The following MAP4K4 variants were observed in gnomAD, a reference collection of about 807,000 sequenced individuals.
MAP4K4 encodes mitogen-activated protein kinase kinase kinase kinase 4, also known as HPK/GCK-like kinase HGK.
A neutral mutation model predicts 189.6 loss-of-function variants in MAP4K4; 38 were observed. That is an observed-to-expected ratio of 0.20 (90% CI 0.15 to 0.26). The LOEUF (loss-of-function observed/expected upper bound fraction) is 0.26. Among genes scored for constraint, MAP4K4 ranks in the 10% least tolerant of loss-of-function variants. The pLI is 1.00. For missense variants in MAP4K4, 1,054 were observed against 1,726.9 expected (o/e 0.61, Z 6.91); for synonymous variants, 610 against 624.3 (o/e 0.98, Z 0.34).
intron 2 of MAP4K4, among the ~76,000 whole-genome samples, chr2:101,730,360 C>T (rs1295395112): frequency 1.3e-5 from 2 of 152,154 alleles, no homozygotes; most frequent in African/African-American, 4.8e-5. Flanking sequence ...CTGAAGGGCA[C>T]ACCTTCTGTC....
chr2:101,867,794 C>T, intron 20 of MAP4K4: 1 of 499,364 alleles, frequency 2.0e-6, no homozygotes. Context: ...CTTTTTGGTA[C>T]CTGGGGTGAT....
Position 101,887,762 on chromosome 2 carries a change from T to C in MAP4K4, c.3772-16T>C. The C allele has an allele frequency of 1.3e-6, 2 of 1,596,658 alleles. No individual in the cohort carries two copies. The highest frequency in any genetic ancestry group is 1.7e-6 in the Non-Finnish European group (2 of 1,171,000). The stretch of plus-strand genomic sequence containing the variant: ...ACCACAGACGTTCTTCCCTGTACTT[T>C]GTTCCTGTTCTCTAGATCCAGTGTA... On this transcript the variant is annotated splice_polypyrimidine_tract_variant and intron_variant, in intron 30 of 32. Coordinates refer to ENST00000324219, the Ensembl canonical transcript of MAP4K4.
chr2:101,823,838 T>A, intron 3 of MAP4K4, 90 bp from the exon 4 acceptor site: 1 of 1,127,810 alleles, frequency 8.9e-7, no homozygotes. Flanking sequence ...GGAGAACTTG[T>A]GTTCCTTTCA....
intron 3 of MAP4K4, among the ~76,000 whole-genome samples, chr2:101,807,394 G>A (rs1234031215): frequency 6.6e-6 from 1 of 151,926 alleles, no homozygotes; most frequent in Non-Finnish European, 1.5e-5. Flanking sequence ...GCCCAACATG[G>A]CACTCCTGTA....
At chr2:101,852,805 G>T (rs1347734775) in intron 12 of MAP4K4, among the ~76,000 whole-genome samples, 1 of 152,176 alleles carries the variant, frequency 6.6e-6, no homozygotes, top group African/African-American at 2.4e-5. Context: ...AGCAGGTGCA[G>T]ATATATGCTA....
intron 2 of MAP4K4, among the ~76,000 whole-genome samples, chr2:101,717,262 C>G (rs1380989247): frequency 6.6e-6 from 1 of 152,156 alleles, no homozygotes; most frequent in Admixed American, 6.6e-5. Context: ...TGTCAGCGTG[C>G]GGCCTTCTCA....
chr2:101,763,527 A>G (rs1350664470), intron 2 of MAP4K4, among the ~76,000 whole-genome samples: 1 of 152,240 alleles, frequency 6.6e-6, no homozygotes, highest in Non-Finnish European at 1.5e-5. Context: ...TTATTGATTA[A>G]AGAATTAACC....
intron 2 of MAP4K4, among the ~76,000 whole-genome samples, chr2:101,768,690 C>G (rs557170568): frequency 6.6e-6 from 1 of 152,220 alleles, no homozygotes; most frequent in South Asian, 2.1e-4. Flanking sequence ...TAGATTTGTT[C>G]CACAGAAAAG....
intron 2 of MAP4K4, among the ~76,000 whole-genome samples, chr2:101,753,816 C>T (rs2070626352): frequency 6.6e-6 from 1 of 151,918 alleles, no homozygotes; most frequent in Non-Finnish European, 1.5e-5. Flanking sequence ...TAGGAAAGTA[C>T]CTCAGTCTTT....
intron 2 of MAP4K4, among the ~76,000 whole-genome samples, chr2:101,764,737 A>G (rs1348211304): frequency 6.6e-6 from 1 of 152,192 alleles, no homozygotes; most frequent in African/African-American, 2.4e-5. Flanking sequence ...CTCATAACCT[A>G]GAGTAATATA....
intron 27 of MAP4K4, among the ~76,000 whole-genome samples, chr2:101,881,705 A>G (rs1398413405): frequency 6.6e-6 from 1 of 152,182 alleles, no homozygotes; most frequent in African/African-American, 2.4e-5. Flanking sequence ...TTCCCCCTCT[A>G]TTCCTATTTC....
At chr2:101,840,039 T>A (rs2096869421) in intron 10 of MAP4K4, 45 bp downstream of exon 10, 1 of 1,540,454 alleles carries the variant, frequency 6.5e-7, no homozygotes, top group Non-Finnish European at 8.7e-7. Context: ...TTTTTATGTT[T>A]AGTTTCTTGC....
At position 101,723,477 on chromosome 2, in the gene MAP4K4, C is replaced by A. The variant is rs149025735; in HGVS notation, c.123+24939C>A. 1.1e-3 allele frequency among the ~76,000 whole-genome samples: 162 copies of A among 152,230 alleles called. 2 individuals carry two copies. The highest frequency in any genetic ancestry group is 3.6e-3 in the African/African-American group (151 of 41,540). The stretch of plus-strand genomic sequence containing the variant: ...AGTAGGTTCTAATTTGCTTTTTGCC[C>A]AACCTCTGGAGAACTGTGAGAGTCA... On this transcript the variant is annotated intron_variant, in intron 2 of 32. Coordinates refer to ENST00000324219, the Ensembl canonical transcript of MAP4K4.
At chr2:101,840,306 C>T (rs1037793700) in intron 10 of MAP4K4, among the ~76,000 whole-genome samples, 10 of 152,152 alleles carry the variant, frequency 6.6e-5, no homozygotes, top group African/African-American at 2.4e-4. Flanking sequence ...TGGTATATTT[C>T]ACTGGGGTGT....
intron 2 of MAP4K4, among the ~76,000 whole-genome samples, chr2:101,762,130 T>C (rs1307568586): frequency 1.3e-5 from 2 of 152,216 alleles, no homozygotes; most frequent in Non-Finnish European, 2.9e-5. Context: ...GGAAAGTGAA[T>C]TGACTTTTAG....
At chr2:101,772,632 C>A (rs1436279730) in intron 2 of MAP4K4, among the ~76,000 whole-genome samples, 11 of 152,244 alleles carry the variant, frequency 7.2e-5, no homozygotes. Context: ...GCTTCACTTT[C>A]TGTGCCAGAC....
chr2:101,731,226 A>G (rs1180932850), intron 2 of MAP4K4, among the ~76,000 whole-genome samples: 2 of 151,476 alleles, frequency 1.3e-5, no homozygotes, highest in African/African-American at 4.8e-5. Flanking sequence ...AAGTGATTCT[A>G]TTGCCTCAAC....
intron 2 of MAP4K4, among the ~76,000 whole-genome samples, chr2:101,706,472 A>G (rs1288868399): frequency 2.0e-5 from 3 of 152,166 alleles, no homozygotes; most frequent in Non-Finnish European, 2.9e-5. Flanking sequence ...CTGCCCCCAC[A>G]TCGCTTTTAG....
intron 12 of MAP4K4, among the ~76,000 whole-genome samples, chr2:101,845,247 C>A (rs565424096): frequency 6.6e-6 from 1 of 151,924 alleles, no homozygotes; most frequent in African/African-American, 2.4e-5. Context: ...ACAATTTGAA[C>A]CTGGAAGTTG....
Sources: allele counts gnomAD v4.1 joint callset (sites outside exome capture counted in the v4.1 genomes callset), GRCh38; gene constraint gnomAD v4.1.1; transcripts MANE v1.5; gene names NCBI Gene and HGNC (gene_info 2026-07-23, HGNC 2026-07-21).